Variants in AKAP8L observed in about 807,000 individuals in gnomAD.
AKAP8L encodes A-kinase anchor protein 8-like.
In AKAP8L, 34 loss-of-function variants were observed where a neutral mutation model predicts 77.5. The observed-to-expected ratio is 0.44, with a 90% CI of 0.33 to 0.58. The LOEUF (loss-of-function observed/expected upper bound fraction) is 0.58. Among genes scored for constraint, AKAP8L ranks in the 20% least tolerant of loss-of-function variants. The pLI, the probability that AKAP8L is intolerant of heterozygous loss-of-function variation, is 0.02. For missense variants in AKAP8L, 806 were observed against 887.6 expected (o/e 0.91, Z 1.17); for synonymous variants, 342 against 340.7 (o/e 1.00, Z -0.04).
chr19:15,382,740 A>G (rs553286256), intron 12 of AKAP8L, among the ~76,000 whole-genome samples: 8 of 152,204 alleles, frequency 5.3e-5, no homozygotes, highest in Non-Finnish European at 8.8e-5. Context: ...AGGCTGATGC[A>G]GGAGGATTGC....
rs1211327660 is a variant in AKAP8L at position 15,403,736 on chromosome 19, A to G, written c.122-21T>C. On this transcript the variant is annotated intron_variant, in intron 3 of 13. Coordinates refer to ENST00000397410, the MANE Select transcript of AKAP8L (RefSeq NM_014371.4). This position sits in a 1 kb window ranked among gnomAD's most constrained non-coding sequence, Gnocchi z 4.3. ...GTAGCCTGCAGTGAGGGAGACAGAG[A>G]CAGACAGATGGTGGGGGCAGGCAGA... 6.5e-7 allele frequency: 1 copy of G among 1,546,830 alleles called. No individual in the cohort carries two copies. Among genetic ancestry groups the G allele is most frequent in the Non-Finnish European group, 8.8e-7 (1 of 1,139,320 alleles).
intron 2 of AKAP8L, among the ~76,000 whole-genome samples, chr19:15,409,047 A>C (rs1378644287): frequency 6.6e-6 from 1 of 152,204 alleles, no homozygotes; most frequent in Non-Finnish European, 1.5e-5. Flanking sequence ...TGTAAAACCC[A>C]CAACTAAAAC....
At chr19:15,408,605 C>T (rs563298497) in intron 2 of AKAP8L, among the ~76,000 whole-genome samples, 3 of 149,064 alleles carry the variant, frequency 2.0e-5, no homozygotes, top group East Asian at 4.0e-4. Context: ...AGAAAGAGGC[C>T]GGGCGCGGTG....
Position 15,380,331 on chromosome 19 carries a change from T to A in AKAP8L, c.1732A>T (p.Ile578Phe). Residue 578 changes from isoleucine to phenylalanine, a missense_variant, in exon 14 of 14, where the codon ATC becomes TTC. Coordinates refer to ENST00000397410, the MANE Select transcript of AKAP8L (RefSeq NM_014371.4). ...GGCACGCCCTCTGCGCCCTCCGAGA[T>A]CCCTGCCGCTTCGCCCTGCGCCCCC... is the stretch of plus-strand genomic sequence containing the variant. ...DEGAQGEAAG[I>F]SEGAEGVPAQ... 6.5e-7 allele frequency: 1 copy of A among 1,540,696 alleles called. No homozygotes were observed. The highest frequency in any genetic ancestry group is 1.2e-5 in the South Asian group (1 of 84,276).
rs1447202832 is a variant in AKAP8L at position 15,404,041 on chromosome 19, T to C, written c.90A>G (p.Gly30=). 6.8e-6 allele frequency: 11 copies of C among 1,613,620 alleles called. No homozygotes were observed. The highest frequency in any genetic ancestry group is 9.3e-6 in the Non-Finnish European group (11 of 1,179,778). ...DTSAQPTCDY[G]YGTWNSGTNR... is the part of the protein sequence containing the mutation. ...TTGTCCCAGAGTTCCAAGTTCCATA[T>C]CCTACAAAAAGTAAAAGGGCAGTTA... Residue 30 remains glycine (G), a splice_region_variant and synonymous_variant, in exon 3 of 14, where the codon GGA becomes GGG. Transcript: ENST00000397410.
At chr19:15,395,871 C>T (rs1168778908) in intron 12 of AKAP8L, among the ~76,000 whole-genome samples, 1 of 140,024 alleles carries the variant, frequency 7.1e-6, no homozygotes, top group East Asian at 2.2e-4. Context: ...GTAGTCCCAG[C>T]TACTCGGGAG....
chr19:15,383,820 A>G (rs1351796433), intron 12 of AKAP8L: 1 of 152,134 alleles, frequency 6.6e-6, no homozygotes, highest in Non-Finnish European at 1.5e-5. Context: ...TTTGACTAGA[A>G]ATGTGCTGTC....
chr19:15,404,711 A>G (rs936566082), intron 2 of AKAP8L, among the ~76,000 whole-genome samples: 1 of 152,216 alleles, frequency 6.6e-6, no homozygotes, highest in African/African-American at 2.4e-5. Context: ...GTCTCTGGTG[A>G]GACCCAACAG....
rs7246816 is a variant in AKAP8L, at chr19:15,403,849, G to A, written c.122-134C>T. The A allele has an allele frequency of 0.25, 257,985 of 1,048,220 alleles. 34,887 individuals are homozygous for A. The highest frequency in any genetic ancestry group is 0.41 in the East Asian group (16,001 of 39,206). The allele number at this position is 1,048,220 out of a possible 1,614,324, so 64.9% of individuals were successfully genotyped here. A position where few individuals can be genotyped will look rare whatever the true frequency, so the allele number is the denominator to read the frequency against. On this transcript the variant is annotated intron_variant, in intron 3 of 13. Coordinates refer to ENST00000397410, the MANE Select transcript of AKAP8L (RefSeq NM_014371.4). This position sits in a 1 kb window ranked among gnomAD's most constrained non-coding sequence, Gnocchi z 4.3. Reference sequence around the variant, plus strand: ...AAGACCCTAGCCACTGAAGCTAGATGGGCCCTGGTCATTCTGATGAGGGCC... The same window carrying A: ...AAGACCCTAGCCACTGAAGCTAGATAGGCCCTGGTCATTCTGATGAGGGCC...
At chr19:15,417,423 T>C (rs1968226272) in intron 1 of AKAP8L, among the ~76,000 whole-genome samples, 1 of 152,160 alleles carries the variant, frequency 6.6e-6, no homozygotes, top group East Asian at 1.9e-4. Flanking sequence ...GATACTTCTT[T>C]GCGGTAGGTG....
Position 15,397,047 on chromosome 19 carries a change from C to T in AKAP8L, c.1536+103G>A. 5 of 1,516,550 alleles carry T rather than the reference C, an allele frequency of 3.3e-6. No homozygotes were observed. The South Asian group carries it at 3.6e-5, about 11-fold the overall frequency. The allele number at this position is 1,516,550 out of a possible 1,614,324, so 93.9% of individuals were successfully genotyped here. ...CCATATCCACCTCCTCCTGCCTCCA[C>T]TGCAGTCCCTCACGGGCTGGCAGAG... On this transcript the variant is annotated intron_variant, in intron 12 of 13. Transcript: ENST00000397410. This position sits in a 1 kb window ranked among gnomAD's most constrained non-coding sequence, Gnocchi z 4.7.
At chr19:15,407,405 A>G (rs1568271961) in intron 2 of AKAP8L, among the ~76,000 whole-genome samples, 1 of 152,206 alleles carries the variant, frequency 6.6e-6, no homozygotes, top group Non-Finnish European at 1.5e-5. Flanking sequence ...TAAATGTTAT[A>G]TTGTTCTTGC....
chr19:15,386,820 G>A (rs942184890), intron 12 of AKAP8L, among the ~76,000 whole-genome samples: 3 of 152,078 alleles, frequency 2.0e-5, no homozygotes, highest in East Asian at 1.9e-4. Context: ...CACCAAGCCC[G>A]GCTAATTTTT....
At chr19:15,391,840 T>C (rs962012792) in intron 12 of AKAP8L, among the ~76,000 whole-genome samples, 3 of 152,080 alleles carry the variant, frequency 2.0e-5, no homozygotes, top group African/African-American at 7.2e-5. Flanking sequence ...CCCAGCCTTA[T>C]GTTTTTATTT....
In AKAP8L at chr19:15,397,150, C is replaced by T; in HGVS notation, c.1536G>A (p.Arg512=). 1.2e-6 allele frequency: 2 copies of T among 1,613,692 alleles called. No individual in the cohort carries two copies. Among genetic ancestry groups the T allele is most frequent in the Non-Finnish European group, 8.5e-7 (1 of 1,179,860 alleles). ...GAGGGAGAGCACTGTGGCCACTCAC[C>T]CTGCGGTTCCGGTTGTGATCCATGG... is the stretch of plus-strand genomic sequence containing the variant. ...LKTMDHNRNR[R]LMMEQSKKSS... Residue 512 remains arginine (R), a splice_region_variant and synonymous_variant, in exon 12 of 14, where the codon AGG becomes AGA. Coordinates refer to ENST00000397410, the MANE Select transcript of AKAP8L (RefSeq NM_014371.4). This position sits in a 1 kb window ranked among gnomAD's most constrained non-coding sequence, Gnocchi z 4.7.
intron 2 of AKAP8L, among the ~76,000 whole-genome samples, chr19:15,408,514 G>C (rs190703356): frequency 6.7e-6 from 1 of 148,176 alleles, no homozygotes; most frequent in African/African-American, 2.5e-5. Flanking sequence ...GGTGAGCTGA[G>C]ATCGCGCCAT....
At chr19:15,383,153 C>T (rs1967454071) in intron 12 of AKAP8L, 1 of 152,192 alleles carries the variant, frequency 6.6e-6, no homozygotes, top group African/African-American at 2.4e-5. Context: ...GACTCAACTA[C>T]AAGGCGCTTT....
chr19:15,385,018 C>T (rs1599587971), intron 12 of AKAP8L, among the ~76,000 whole-genome samples: 1 of 151,350 alleles, frequency 6.6e-6, no homozygotes, highest in East Asian at 1.9e-4. Flanking sequence ...CGCTCTGTTG[C>T]CCAGGCTGGA....
At chr19:15,405,442 G>GT (rs1467652280) in intron 2 of AKAP8L, among the ~76,000 whole-genome samples, 1 of 151,720 alleles carries the variant, frequency 6.6e-6, no homozygotes, top group African/African-American at 2.4e-5. Flanking sequence ...CTGAGGCACA[G>GT]TTGCTTGAAC....
Sources: gnomAD v4.1 joint callset for allele counts (sites outside exome capture counted in the v4.1 genomes callset) on GRCh38, gnomAD v4.1.1 for gene constraint, Gnocchi (gnomAD v3.1) non-coding constraint, MANE v1.5 for transcripts, NCBI Gene and HGNC (gene_info 2026-07-23, HGNC 2026-07-21) for gene names.